Variants in PAK3 observed in about 807,000 individuals in gnomAD.
PAK3 encodes the protein serine/threonine-protein kinase PAK 3.
Under a neutral mutation model 41.0 loss-of-function variants are expected in PAK3, and 4 were observed. The observed-to-expected ratio is 0.10, with a 90% CI of 0.05 to 0.22. The LOEUF (loss-of-function observed/expected upper bound fraction) is 0.22. Among genes scored for constraint, PAK3 ranks in the 10% least tolerant of loss-of-function variants. PAK3 has a pLI of 1.00. For synonymous variants in PAK3, 146 were observed against 139.6 expected (o/e 1.05, Z -0.32); for missense variants, 205 against 409.9 (o/e 0.50, Z 4.32).
At chrX:110,954,409 A>G (rs984342582) in intron 1 of PAK3, among the ~76,000 whole-genome samples, 14 of 112,391 alleles carry the variant, frequency 1.2e-4, no homozygotes, top group African/African-American at 4.5e-4. Context: ...TTTACAGAGG[A>G]GGGAACTAAG....
intron 1 of PAK3, among the ~76,000 whole-genome samples, chrX:111,026,199 A>T (rs191331703): frequency 2.5e-4 from 28 of 111,967 alleles, no homozygotes. Context: ...AGCCAATATT[A>T]TACTGAATGG....
chrX:110,990,935 C>T (rs1212357310), intron 1 of PAK3, among the ~76,000 whole-genome samples: 1 of 110,518 alleles, frequency 9.0e-6, no homozygotes, highest in Non-Finnish European at 1.9e-5. Context: ...CGAGACCAGC[C>T]ATTGGCAACA....
chrX:110,962,189 C>T (rs1345564103), intron 1 of PAK3, among the ~76,000 whole-genome samples: 1 of 112,104 alleles, frequency 8.9e-6, no homozygotes, highest in Non-Finnish European at 1.9e-5. Context: ...CTATGGACTG[C>T]CTCTGCCTAG....
intron 1 of PAK3, among the ~76,000 whole-genome samples, chrX:110,966,201 T>C (rs1168437874): frequency 8.9e-6 from 1 of 111,837 alleles, no homozygotes; most frequent in Non-Finnish European, 1.9e-5. Flanking sequence ...TAATAGTCTT[T>C]CTTGGCCCCA....
intron 6 of PAK3, among the ~76,000 whole-genome samples, chrX:111,145,694 A>G (rs896422233): frequency 1.8e-5 from 2 of 111,739 alleles, no homozygotes; most frequent in African/African-American, 6.5e-5. Context: ...AAGGACATAT[A>G]TACAAAATCA....
At chrX:111,070,756 C>A (rs1443959672) in intron 1 of PAK3, among the ~76,000 whole-genome samples, 1 of 112,053 alleles carries the variant, frequency 8.9e-6, no homozygotes, top group Non-Finnish European at 1.9e-5. Context: ...AAAAACAATG[C>A]CATTCTGTAG....
intron 1 of PAK3, among the ~76,000 whole-genome samples, chrX:111,076,116 A>G (rs759421244): frequency 9.0e-6 from 1 of 111,520 alleles, no homozygotes; most frequent in Admixed American, 9.5e-5. Flanking sequence ...GAGACTTTGG[A>G]CTTTGGAGTT....
rs186175161 is a variant in PAK3, at chrX:111,109,433, A to C, written c.-28+6127A>C. 7.2e-5 allele frequency among the ~76,000 whole-genome samples: 8 copies of C among 111,815 alleles called. No individual in the cohort carries two copies. In the East Asian group the frequency reaches 2.0e-3, roughly 28 times the overall value. On this transcript the variant is annotated intron_variant, in intron 4 of 17. Transcript: ENST00000372007. ...CTTTATTTCTGCCTAGCCACAAGCT[A>C]GGTGTCAGTATTCATTCCCACTCAA...
intron 1 of PAK3, among the ~76,000 whole-genome samples, chrX:111,030,100 A>G (rs900117615): frequency 1.8e-5 from 2 of 112,489 alleles, no homozygotes; most frequent in East Asian, 5.5e-4. Context: ...CTGTTTGTGC[A>G]TAAGTTTTGA....
At chrX:110,989,463 A>G (rs1284199884) in intron 1 of PAK3, among the ~76,000 whole-genome samples, 1 of 112,099 alleles carries the variant, frequency 8.9e-6, no homozygotes, top group Non-Finnish European at 1.9e-5. Context: ...TTTTCTAGAG[A>G]GCTTGGACAT....
At chrX:111,105,421 T>G (rs1253507419) in intron 4 of PAK3, among the ~76,000 whole-genome samples, 1 of 111,609 alleles carries the variant, frequency 9.0e-6, no homozygotes, top group East Asian at 2.8e-4. Flanking sequence ...TCCAACTGTT[T>G]CTTATACTCA....
intron 16 of PAK3, among the ~76,000 whole-genome samples, chrX:111,206,488 T>A (rs1424718485): frequency 8.9e-6 from 1 of 112,343 alleles, no homozygotes; most frequent in Non-Finnish European, 1.9e-5. Flanking sequence ...CCTTTGTGCT[T>A]GAAAGGAGCA....
At chrX:111,025,090 A>G (rs2092249508) in intron 1 of PAK3, among the ~76,000 whole-genome samples, 1 of 111,436 alleles carries the variant, frequency 9.0e-6, no homozygotes, top group African/African-American at 3.3e-5. Flanking sequence ...TAAAATAATT[A>G]TTTGAACTGA....
intron 1 of PAK3, among the ~76,000 whole-genome samples, chrX:111,026,956 T>C (rs1013517628): frequency 6.3e-5 from 7 of 111,564 alleles, no homozygotes; most frequent in Non-Finnish European, 1.3e-4. Context: ...GGTATAAAAA[T>C]AGGCACATAG....
intron 1 of PAK3, among the ~76,000 whole-genome samples, chrX:111,044,897 A>G (rs1013155051): frequency 4.5e-5 from 5 of 111,922 alleles, no homozygotes; most frequent in African/African-American, 1.6e-4. Flanking sequence ...TGTGAACCAG[A>G]GCCTTTTAGG....
chrX:111,088,860 T>G (rs1189222192), intron 1 of PAK3, among the ~76,000 whole-genome samples: 4 of 111,983 alleles, frequency 3.6e-5, no homozygotes, highest in Non-Finnish European at 7.5e-5. Context: ...ACTTTGCAGC[T>G]GGCTTTATCT....
chrX:111,178,396 C>T (rs1384332089), intron 11 of PAK3, among the ~76,000 whole-genome samples: 1 of 111,296 alleles, frequency 9.0e-6, no homozygotes, highest in Non-Finnish European at 1.9e-5. Context: ...TTTTGAAAAA[C>T]TTGAAGAAAA....
chrX:110,957,554 G>T (rs1213985449), intron 1 of PAK3, among the ~76,000 whole-genome samples: 1 of 112,002 alleles, frequency 8.9e-6, no homozygotes, highest in Non-Finnish European at 1.9e-5. Context: ...CTCACTAGGT[G>T]CTTGGGTACA....
intron 1 of PAK3, among the ~76,000 whole-genome samples, chrX:111,000,044 C>G (rs1244816728): frequency 9.0e-6 from 1 of 111,650 alleles, no homozygotes; most frequent in South Asian, 3.8e-4. Context: ...TTCCCTCTCA[C>G]TGGGGCACAT....
Sources: gnomAD v4.1 joint callset for allele counts (sites outside exome capture counted in the v4.1 genomes callset) on GRCh38, gnomAD v4.1.1 for gene constraint, MANE v1.5 for transcripts, NCBI Gene and HGNC (gene_info 2026-07-23, HGNC 2026-07-21) for gene names.